MYO5B: variants seen among roughly 807,000 people sequenced by gnomAD.
MYO5B encodes myosin VB.
In MYO5B, 143 loss-of-function variants were observed where a neutral mutation model predicts 229.3. The observed-to-expected ratio is 0.62, with a 90% confidence interval of 0.54 to 0.72. The LOEUF (loss-of-function observed/expected upper bound fraction) is 0.72. MYO5B is among the 30% of genes least tolerant of loss of function. MYO5B has a pLI of 0.00. For missense variants in MYO5B, 2,321 were observed against 2,331.0 expected, an observed-to-expected ratio of 1.00 and a Z score of 0.09; for synonymous variants, 918 against 885.2, an observed-to-expected ratio of 1.04 and a Z score of -0.66.
intron 29 of MYO5B, 65 bp from the exon 30 acceptor site, chr18:49,856,955 T>G (rs1598836311): frequency 7.3e-7 from 1 of 1,372,894 alleles, no homozygotes. Flanking sequence ...AGGCAGGGAG[T>G]CCTGGAAAGT....
intron 9 of MYO5B, 60 bp downstream of exon 9, chr18:49,980,384 C>T (rs1325985298): frequency 1.7e-6 from 2 of 1,180,098 alleles, no homozygotes; most frequent in Non-Finnish European, 2.5e-6. Flanking sequence ...ACATTTCAGT[C>T]ATATCAAAGA....
chr18:50,090,335 C>T (rs2031420997), intron 1 of MYO5B, among the ~76,000 whole-genome samples: 2 of 48,276 alleles, frequency 4.1e-5, no homozygotes, highest in Admixed American at 4.5e-4. Context: ...AGAGCAAGAC[C>T]CTCAAAAAAA....
In MYO5B at chr18:49,872,180, T is replaced by G; in HGVS notation, c.3590A>C (p.Tyr1197Ser). Residue 1197 changes from tyrosine to serine, a missense_variant, in exon 27 of 40, where the codon TAC becomes TCC. By Grantham distance (144) the Tyr-to-Ser change is moderately radical (BLOSUM62 -2). Around this residue, in one of 2 missense-constraint regions of MYO5B, gnomAD observed 2,113 missense variants for 2,044.7 expected, o/e 1.03. Coordinates refer to ENST00000285039, the MANE Select transcript of MYO5B (RefSeq NM_001080467.3). ...CAAGAATCTTACCTTCAGACTATTG[T>G]AGGCCAGATCTGCATTCGGGTCCAA... ...IDLDPNADLA[Y>S]NSLKRQELES... The G allele has an allele frequency of 6.2e-7, 1 of 1,614,084 alleles. No individual in the cohort carries two copies. Among genetic ancestry groups the G allele is most frequent in the East Asian group, 2.2e-5 (1 of 44,880 alleles).
chr18:49,983,303 TATC>T (rs1293499979), intron 8 of MYO5B, among the ~76,000 whole-genome samples: 12 of 152,144 alleles, frequency 7.9e-5, no homozygotes, highest in African/African-American at 2.9e-4. Flanking sequence ...CCTCCATAGT[TATC>T]ATGATTTATC....
chr18:49,894,238 C>T (rs1007598834), intron 22 of MYO5B, among the ~76,000 whole-genome samples: 4 of 142,036 alleles, frequency 2.8e-5, no homozygotes, highest in African/African-American at 7.7e-5. Flanking sequence ...ACTGAAAAAG[C>T]GGGCAACATG....
At chr18:50,058,532 C>CG (rs2030608424) in intron 1 of MYO5B, among the ~76,000 whole-genome samples, 1 of 152,004 alleles carries the variant, frequency 6.6e-6, no homozygotes, top group Non-Finnish European at 1.5e-5. Context: ...CACAGTAGGC[C>CG]GGGCACAGTG....
intron 14 of MYO5B, among the ~76,000 whole-genome samples, chr18:49,947,726 G>A (rs1035663328): frequency 6.6e-6 from 1 of 152,068 alleles, no homozygotes; most frequent in African/African-American, 2.4e-5. Context: ...AGCACCTCCA[G>A]ACAAACCAAT....
intron 17 of MYO5B, among the ~76,000 whole-genome samples, chr18:49,913,506 AGTGGAG>A (rs770291669): frequency 3.7e-4 from 56 of 152,188 alleles, no homozygotes; most frequent in Non-Finnish European, 6.9e-4. Context: ...CTGTGTCCTC[AGTGGAG>A]GTGTACAGGC....
chr18:50,188,361 G>A (rs2033177840), intron 1 of MYO5B, among the ~76,000 whole-genome samples: 1 of 152,080 alleles, frequency 6.6e-6, no homozygotes, highest in Non-Finnish European at 1.5e-5. Flanking sequence ...TCTACAAAAT[G>A]CCTGTAACTT....
chr18:49,973,767 C>T (rs2025715488), intron 10 of MYO5B, among the ~76,000 whole-genome samples: 1 of 152,166 alleles, frequency 6.6e-6, no homozygotes, highest in South Asian at 2.1e-4. Flanking sequence ...TTTCACCACA[C>T]CACGGTGGCT....
chr18:50,107,110 T>C (rs1203497585), intron 1 of MYO5B, among the ~76,000 whole-genome samples: 5 of 11,782 alleles, frequency 4.2e-4, no homozygotes, highest in South Asian at 2.7e-3. Flanking sequence ...TTAGGGTGCC[T>C]TTTTTTTTTT....
Position 49,929,603 on chromosome 18 carries a change from C to T in MYO5B, c.2004-5G>A, listed in dbSNP as rs1262168154. ...ACTGCTCTCTTTGGGTCAAAGCTGCCAAAGGAGAAAAAAAAAAAAAAAAGC... is the reference window on the plus strand; with the variant it reads ...ACTGCTCTCTTTGGGTCAAAGCTGCTAAAGGAGAAAAAAAAAAAAAAAAGC... On this transcript the variant is annotated splice_region_variant and splice_polypyrimidine_tract_variant and intron_variant, in intron 16 of 39. Coordinates refer to ENST00000285039, the MANE Select transcript of MYO5B (RefSeq NM_001080467.3). 1 of 1,463,348 alleles carries T rather than the reference C, an allele frequency of 6.8e-7. No homozygotes were observed. The highest frequency in any genetic ancestry group is 9.0e-7 in the Non-Finnish European group (1 of 1,106,258). 90.6% of individuals were successfully genotyped at this position (1,463,348 alleles called of 1,614,324 possible).
rs145598498 is a variant in MYO5B, at chr18:49,853,525, G to A, written c.4145C>T (p.Thr1382Met). 0.011 allele frequency: 17,461 copies of A among 1,614,188 alleles called. 798 individuals are homozygous for A. In the South Asian group the frequency reaches 0.12, roughly 11 times the overall value. The change falls in exon 31 of 40, where the codon ACG (threonine) becomes ATG (methionine). Residue 1382 changes from threonine to methionine, a missense_variant. Physicochemically the swap from Thr to Met is moderately conservative, Grantham distance 81. Around this residue, in one of 2 missense-constraint regions of MYO5B, gnomAD observed 2,113 missense variants for 2,044.7 expected, o/e 1.03. Transcript: ENST00000285039. ...CTGGGCCTCTGGGGAGAGCAGTAGC[G>A]TCTGGCAGAAGGTCTGCTGCTGTTT... Reference protein sequence around the residue: ...MDKQQQTFCQTLLLSPEAQVE... With the variant: ...MDKQQQTFCQMLLLSPEAQVE...
intron 1 of MYO5B, among the ~76,000 whole-genome samples, chr18:50,179,915 A>G (rs2033048258): frequency 6.6e-6 from 1 of 152,212 alleles, no homozygotes; most frequent in Non-Finnish European, 1.5e-5. Flanking sequence ...GATAGACACA[A>G]GCATCCTGTT....
intron 10 of MYO5B, among the ~76,000 whole-genome samples, chr18:49,968,736 G>A (rs1462562579): frequency 6.6e-6 from 1 of 152,128 alleles, no homozygotes; most frequent in Non-Finnish European, 1.5e-5. Context: ...GACTCTTGGT[G>A]GGCTCTTGTT....
At chr18:50,039,818 C>A (rs868441747) in intron 3 of MYO5B, among the ~76,000 whole-genome samples, 1 of 152,018 alleles carries the variant, frequency 6.6e-6, no homozygotes, top group Admixed American at 6.6e-5. Flanking sequence ...AACAAGGGTT[C>A]GGTGCTGAGA....
At chr18:49,881,758 G>A (rs372537153) in intron 22 of MYO5B, among the ~76,000 whole-genome samples, 2 of 150,456 alleles carry the variant, frequency 1.3e-5, no homozygotes, top group Non-Finnish European at 2.9e-5. Context: ...AGCCGAGATC[G>A]CGCCACTGTA....
intron 1 of MYO5B, among the ~76,000 whole-genome samples, chr18:50,083,548 G>A (rs2031266098): frequency 6.6e-6 from 1 of 152,200 alleles, no homozygotes; most frequent in Non-Finnish European, 1.5e-5. Context: ...TGAGGACAAA[G>A]ACCCAAATAT....
At chr18:49,890,817 T>A (rs1358697699) in intron 22 of MYO5B, among the ~76,000 whole-genome samples, 1 of 152,222 alleles carries the variant, frequency 6.6e-6, no homozygotes, top group African/African-American at 2.4e-5. Flanking sequence ...ATTTGACCAT[T>A]TTCTGAGAAT....
Sources: allele counts gnomAD v4.1 joint callset (sites outside exome capture counted in the v4.1 genomes callset), GRCh38; gene constraint gnomAD v4.1.1; regional missense constraint gnomAD v4.1.1; transcripts MANE v1.5; gene names NCBI Gene and HGNC (gene_info 2026-07-23, HGNC 2026-07-21).